Variants in VRK1 observed in about 807,000 individuals in gnomAD.
VRK1 encodes the protein serine/threonine-protein kinase VRK1.
A neutral mutation model predicts 57.1 loss-of-function variants in VRK1; 33 were observed. The ratio of observed to expected loss-of-function variants is 0.58; its 90% confidence interval spans 0.44 to 0.77. The LOEUF is 0.77. Ranked by LOEUF, VRK1 falls within the 30% of genes least tolerant of loss-of-function variation. The pLI is 0.00. For missense variants in VRK1, 413 were observed against 477.3 expected, an observed-to-expected ratio of 0.87 and a Z score of 1.25; for synonymous variants, 137 against 147.8, an observed-to-expected ratio of 0.93 and a Z score of 0.53.
rs756589419 is a variant in VRK1, at chr14:96,846,098, C to T, written c.220C>T (p.Pro74Ser). The T allele has an allele frequency of 3.1e-6, 5 of 1,612,860 alleles. No individual in the cohort carries two copies. Among genetic ancestry groups the T allele is most frequent in the Non-Finnish European group, 4.2e-6 (5 of 1,179,256 alleles). The stretch of plus-strand genomic sequence containing the variant: ...TAATTAACTCTTATATTTTAAGGAA[C>T]CCAGTGACAATGGACCTCTTTTTAC... ...SDAPCVVKVE[P>S]SDNGPLFTEL... Residue 74 changes from proline to serine, a missense_variant, in exon 4 of 13, where the codon CCC becomes TCC. Pro to Ser is a moderately conservative substitution (Grantham distance 74). Around this residue, in one of 3 missense-constraint regions of VRK1, gnomAD observed 116 missense variants for 113.6 expected, o/e 1.02. Coordinates refer to ENST00000216639, the MANE Select transcript of VRK1 (RefSeq NM_003384.3).
intron 4 of VRK1, 70 bp downstream of exon 4, chr14:96,846,234 G>C (rs1887682618): frequency 7.1e-7 from 1 of 1,404,342 alleles, no homozygotes; most frequent in Non-Finnish European, 1.0e-6. Flanking sequence ...CCAAGACCTA[G>C]AGCATTGTAT....
chr14:96,833,486 A>C lies in VRK1; in HGVS notation c.15A>C (p.Lys5Asn). 3 of 1,613,630 alleles carry C rather than the reference A, an allele frequency of 1.9e-6. No homozygotes were observed. The highest frequency in any genetic ancestry group is 2.5e-6 in the Non-Finnish European group (3 of 1,179,682). The change falls in exon 2 of 13, where the codon AAA becomes AAC. Residue 5 changes from lysine (K) to asparagine (N), a missense_variant. Coordinates refer to ENST00000216639, the MANE Select transcript of VRK1 (RefSeq NM_003384.3). ...TTATAGTGAAAATGCCTCGTGTAAA[A>C]GCAGCTCAAGCTGGAAGACAGAGCT... MPRVKAAQAGRQSSA... is the reference protein window; with the variant it reads MPRVNAAQAGRQSSA...
intron 12 of VRK1, chr14:96,877,412 G>T (rs1331427010): frequency 3.8e-5 from 37 of 971,650 alleles, no homozygotes; most frequent in Non-Finnish European, 5.1e-5. Flanking sequence ...GAGAGGTTTT[G>T]AAGTAGTCCC....
At chr14:96,831,107 A>G (rs944879430) in intron 1 of VRK1, among the ~76,000 whole-genome samples, 3 of 152,158 alleles carry the variant, frequency 2.0e-5, no homozygotes, top group African/African-American at 7.2e-5. Context: ...GTGTGCTTCT[A>G]AGAAGTAGCT....
intron 1 of VRK1, among the ~76,000 whole-genome samples, chr14:96,804,793 C>G (rs1885804044): frequency 6.6e-6 from 1 of 152,262 alleles, no homozygotes; most frequent in African/African-American, 2.4e-5. Flanking sequence ...TGCCAGAAAG[C>G]TAAAAAAGTG....
At chr14:96,815,452 A>G (rs1886356037) in intron 1 of VRK1, among the ~76,000 whole-genome samples, 1 of 152,198 alleles carries the variant, frequency 6.6e-6, no homozygotes, top group Admixed American at 6.5e-5. Context: ...GAGGGGTAGA[A>G]TCTAGGATTC....
intron 12 of VRK1, 80 bp from the exon 13 acceptor site, chr14:96,881,097 T>A: frequency 8.4e-7 from 1 of 1,186,428 alleles, no homozygotes; most frequent in Non-Finnish European, 1.2e-6. Context: ...ATAACTATAT[T>A]TAGGGATATT....
chr14:96,877,572 CAGTG>C (rs1889094673), intron 12 of VRK1: 3 of 1,289,380 alleles, frequency 2.3e-6, no homozygotes, highest in Non-Finnish European at 3.0e-6. Context: ...GCAGCTATGA[CAGTG>C]AGTGGGAACA....
intron 12 of VRK1, chr14:96,877,323 A>G: frequency 2.4e-5 from 8 of 338,782 alleles, no homozygotes; most frequent in South Asian, 2.0e-4. Context: ...TGGTTAGAAC[A>G]TCCTTTGGTT....
At chr14:96,859,304 A>T (rs1316703319) in intron 10 of VRK1, among the ~76,000 whole-genome samples, 1 of 152,070 alleles carries the variant, frequency 6.6e-6, no homozygotes, top group Non-Finnish European at 1.5e-5. Context: ...CACATGTAGT[A>T]TTATGTTGTT....
At chr14:96,825,557 A>G (rs556591543) in intron 1 of VRK1, among the ~76,000 whole-genome samples, 1 of 152,308 alleles carries the variant, frequency 6.6e-6, no homozygotes, top group Non-Finnish European at 1.5e-5. Context: ...ATAAGCTTAT[A>G]GGGAAAGTTA....
intron 1 of VRK1, among the ~76,000 whole-genome samples, chr14:96,806,227 G>A (rs78255406): frequency 0.015 from 2,247 of 152,250 alleles, 65 homozygotes; most frequent in African/African-American, 0.051. Context: ...TGTCCATTCT[G>A]AGCTTTCACG....
intron 1 of VRK1, among the ~76,000 whole-genome samples, chr14:96,806,857 C>G (rs951570074): frequency 1.4e-5 from 2 of 140,222 alleles, no homozygotes; most frequent in African/African-American, 5.2e-5. Context: ...CCCTTCCTCT[C>G]GCTCTGTCAA....
At chr14:96,806,637 T>C (rs920073676) in intron 1 of VRK1, among the ~76,000 whole-genome samples, 1 of 152,224 alleles carries the variant, frequency 6.6e-6, no homozygotes, top group Non-Finnish European at 1.5e-5. Context: ...TTAGAGTTGT[T>C]GAATTAACTG....
At chr14:96,826,800 G>T (rs952121285) in intron 1 of VRK1, among the ~76,000 whole-genome samples, 2 of 152,136 alleles carry the variant, frequency 1.3e-5, no homozygotes, top group Non-Finnish European at 2.9e-5. Flanking sequence ...ATTTCTTTGA[G>T]CAGGGACTTC....
chr14:96,846,106 C>T lies in VRK1; in HGVS notation c.228C>T (p.Asp76=), dbSNP rs1019358114. 1 of 1,613,266 alleles carries T rather than the reference C, an allele frequency of 6.2e-7. No homozygotes were observed. Among genetic ancestry groups the T allele is most frequent in the Non-Finnish European group, 8.5e-7 (1 of 1,179,478 alleles). The change falls in exon 4 of 13, where the codon GAC becomes GAT. Residue 76 remains aspartate, a synonymous_variant. Transcript: ENST00000216639. The part of the protein sequence containing the change: ...APCVVKVEPS[D]NGPLFTELKF... Reference sequence around the variant, plus strand: ...TCTTATATTTTAAGGAACCCAGTGACAATGGACCTCTTTTTACTGAATTAA... The same window carrying T: ...TCTTATATTTTAAGGAACCCAGTGATAATGGACCTCTTTTTACTGAATTAA...
chr14:96,810,806 T>G (rs533380714), intron 1 of VRK1, among the ~76,000 whole-genome samples: 9 of 152,346 alleles, frequency 5.9e-5, no homozygotes, highest in Admixed American at 3.3e-4. Context: ...TTGTGTTATC[T>G]AAAATATTCA....
chr14:96,812,101 A>G (rs1886228923), intron 1 of VRK1, among the ~76,000 whole-genome samples: 2 of 152,220 alleles, frequency 1.3e-5, no homozygotes, highest in Admixed American at 1.3e-4. Flanking sequence ...CCTGTTGTAC[A>G]TGTGTTAATA....
rs548815217 is a variant in VRK1, at chr14:96,838,642, T to A, written c.216+825T>A. On this transcript the variant is annotated intron_variant, in intron 3 of 12. Coordinates refer to ENST00000216639, the MANE Select transcript of VRK1 (RefSeq NM_003384.3). ...GGGATAGATGTACATATGAAGGGGA[T>A]GCCCCCATGACTTAATTACCTCCCA... Among the ~76,000 whole-genome samples the A allele has an allele frequency of 8.5e-5, 13 of 152,288 alleles. No individual in the cohort carries two copies. The East Asian group carries it at 2.1e-3, about 25-fold the overall frequency.
Sources: allele counts gnomAD v4.1 joint callset (sites outside exome capture counted in the v4.1 genomes callset), GRCh38; gene constraint gnomAD v4.1.1; regional missense constraint gnomAD v4.1.1; transcripts MANE v1.5; gene names NCBI Gene and HGNC (gene_info 2026-07-23, HGNC 2026-07-21).